ATRX: variants seen among roughly 807,000 people sequenced by gnomAD.
ATRX encodes ATRX chromatin remodeler.
In ATRX, 12 loss-of-function variants were observed where a neutral mutation model predicts 172.6. That is an observed-to-expected ratio of 0.07 (90% CI 0.04 to 0.11). The LOEUF is 0.11. ATRX is among the 10% of genes least tolerant of loss of function. The pLI, the probability that ATRX is intolerant of heterozygous loss-of-function variation, is 1.00. For synonymous variants in ATRX, 674 were observed against 594.7 expected, an observed-to-expected ratio of 1.13 and a Z score of -1.94; for missense variants, 1,368 against 1,767.4, an observed-to-expected ratio of 0.77 and a Z score of 4.05.
intron 30 of ATRX, among the ~76,000 whole-genome samples, chrX:77,528,083 A>G (rs946592330): frequency 1.9e-5 from 2 of 107,546 alleles, no homozygotes; most frequent in Non-Finnish European, 3.9e-5. Context: ...GTTTCTGGGG[A>G]CTCAGTTGTT....
chrX:77,729,866 G>A (rs1314707783), intron 1 of ATRX, among the ~76,000 whole-genome samples: 1 of 111,684 alleles, frequency 9.0e-6, no homozygotes, highest in Non-Finnish European at 1.9e-5. Context: ...GAACCCGGGA[G>A]GCAGAGGCTG....
At chrX:77,624,193 G>A (rs2067718091) in intron 19 of ATRX, among the ~76,000 whole-genome samples, 1 of 110,508 alleles carries the variant, frequency 9.0e-6, no homozygotes, top group African/African-American at 3.3e-5. Context: ...GTGAAACCCC[G>A]TCTCTACTAA....
intron 34 of ATRX, among the ~76,000 whole-genome samples, chrX:77,509,530 G>A (rs2062796073): frequency 8.9e-6 from 1 of 111,853 alleles, no homozygotes; most frequent in African/African-American, 3.3e-5. Flanking sequence ...GCACTAAAGG[G>A]GGTAGGAAAG....
chrX:77,710,782 TG>T (rs1205569320), intron 2 of ATRX, among the ~76,000 whole-genome samples: 3 of 111,280 alleles, frequency 2.7e-5, no homozygotes, highest in Non-Finnish European at 3.8e-5. Context: ...GGTTGCCAGG[TG>T]TTAAGCATAG....
intron 26 of ATRX, among the ~76,000 whole-genome samples, chrX:77,590,349 G>A (rs1359005590): frequency 9.0e-6 from 1 of 110,920 alleles, no homozygotes; most frequent in Non-Finnish European, 1.9e-5. Flanking sequence ...AGTGGCTCAC[G>A]CCTGTAATCC....
At chrX:77,513,764 C>T (rs1248881583) in intron 34 of ATRX, among the ~76,000 whole-genome samples, 1 of 111,398 alleles carries the variant, frequency 9.0e-6, no homozygotes, top group Non-Finnish European at 1.9e-5. Flanking sequence ...GCAGAGCAAT[C>T]AGGAAACAGA....
At chrX:77,542,107 C>T (rs1302675000) in intron 30 of ATRX, among the ~76,000 whole-genome samples, 3 of 112,240 alleles carry the variant, frequency 2.7e-5, no homozygotes, top group Non-Finnish European at 3.8e-5. Flanking sequence ...TGATAAGCAA[C>T]TTCAGCAAAG....
intron 30 of ATRX, among the ~76,000 whole-genome samples, chrX:77,551,005 AG>A (rs1172884178): frequency 8.9e-6 from 1 of 111,940 alleles, no homozygotes; most frequent in Non-Finnish European, 1.9e-5. Context: ...GCTCATGGAT[AG>A]GAAGAATCAA....
chrX:77,608,706 A>G (rs1470222929), intron 22 of ATRX, among the ~76,000 whole-genome samples: 1 of 112,272 alleles, frequency 8.9e-6, no homozygotes, highest in East Asian at 2.8e-4. Context: ...CCTCAAAAGC[A>G]GAAGCAACCA....
At chrX:77,612,416 TG>T (rs1325829165) in intron 22 of ATRX, among the ~76,000 whole-genome samples, 2 of 93,684 alleles carry the variant, frequency 2.1e-5, no homozygotes, top group Non-Finnish European at 4.2e-5. Context: ...TGGGGCCTGT[TG>T]GGGGGTGAGG....
chrX:77,687,423 G>C (rs1557144612), intron 7 of ATRX, among the ~76,000 whole-genome samples: 1 of 111,655 alleles, frequency 9.0e-6, no homozygotes, highest in Non-Finnish European at 1.9e-5. Flanking sequence ...TAAATCTAAA[G>C]TCATACAACT....
At chrX:77,664,922 C>T (rs1217258584) in intron 10 of ATRX, 144 bp from the exon 11 acceptor site, 1 of 607,046 alleles carries the variant, frequency 1.6e-6, no homozygotes, top group Admixed American at 4.1e-5. Flanking sequence ...ACTAGCAAAA[C>T]CATGTTTTAA....
chrX:77,657,792 A>G (rs2069632062), intron 12 of ATRX, among the ~76,000 whole-genome samples: 1 of 112,245 alleles, frequency 8.9e-6, no homozygotes, highest in African/African-American at 3.2e-5. Context: ...ATGCATGGTC[A>G]CAAAGTATCT....
At chrX:77,537,354 A>G (rs2063783827) in intron 30 of ATRX, among the ~76,000 whole-genome samples, 1 of 111,875 alleles carries the variant, frequency 8.9e-6, no homozygotes, top group African/African-American at 3.3e-5. Context: ...TTGGTCAATT[A>G]TCAGACCTGA....
intron 1 of ATRX, chrX:77,728,202 G>A (rs1304105045): frequency 9.6e-6 from 1 of 104,410 alleles, no homozygotes; most frequent in Non-Finnish European, 2.0e-5. Flanking sequence ...AACATAGCGA[G>A]CCCCCATCTT....
At chrX:77,613,057 T>TA (rs782314311) in intron 22 of ATRX, among the ~76,000 whole-genome samples, 1 of 111,364 alleles carries the variant, frequency 9.0e-6, no homozygotes, top group South Asian at 3.7e-4. Flanking sequence ...ACTATAAACA[T>TA]AAGTGTCCCA....
chrX:77,755,153 C>T (rs1264188482), intron 1 of ATRX, among the ~76,000 whole-genome samples: 2 of 112,595 alleles, frequency 1.8e-5, no homozygotes, highest in Admixed American at 1.9e-4. Context: ...GTATGCTTCA[C>T]GAAGTTCTTG....
rs1037898412 is a variant in ATRX at position 77,781,168 on chromosome X, G to A, written c.20+4814C>T. 2.8e-5 allele frequency among the ~76,000 whole-genome samples: 3 copies of A among 107,575 alleles called. No homozygotes were observed. In the South Asian group the frequency reaches 1.1e-3, roughly 41 times the overall value. 93.4% of individuals were successfully genotyped at this position (107,575 alleles called of 115,157 possible). A position where few individuals can be genotyped will look rare whatever the true frequency, so the allele number is the denominator to read the frequency against. On this transcript the variant is annotated intron_variant, in intron 1 of 34. Transcript: ENST00000373344. ...CACTCTTAAAAATTAACAGCCGGGC[G>A]CGGTGGCTCACACCTGTAATCCTAG...
In ATRX at chrX:77,681,891, C is replaced by T. The variant is rs781805625; in HGVS notation, c.3365G>A (p.Cys1122Tyr). 3 of 1,207,250 alleles carry T rather than the reference C, an allele frequency of 2.5e-6. No homozygotes were observed. The highest frequency in any genetic ancestry group is 3.4e-6 in the Non-Finnish European group (3 of 893,492). Residue 1122 changes from cysteine to tyrosine, a missense_variant, in exon 9 of 35, where the codon TGT becomes TAT. By Grantham distance (194) the Cys-to-Tyr change is radical. Transcript: ENST00000373344. The part of the protein sequence containing the change: ...TEKYSMKEDG[C>Y]NSSDKRLKRI... ...TTTCAGTCTCTTATCAGAAGAGTTACAACCATCTTCTTTCATGGAATATTT... is the reference window on the plus strand; with the variant it reads ...TTTCAGTCTCTTATCAGAAGAGTTATAACCATCTTCTTTCATGGAATATTT...
Sources: gnomAD v4.1 joint callset for allele counts (sites outside exome capture counted in the v4.1 genomes callset) on GRCh38, gnomAD v4.1.1 for gene constraint, MANE v1.5 for transcripts, NCBI Gene and HGNC (gene_info 2026-07-23, HGNC 2026-07-21) for gene names.